DLG2: variants seen among roughly 807,000 people sequenced by gnomAD.
The protein encoded by DLG2 is discs large MAGUK scaffold protein 2.
Under a neutral mutation model 132.5 loss-of-function variants are expected in DLG2, and 45 were observed. That is an observed-to-expected ratio of 0.34 (90% confidence interval 0.27 to 0.44). The LOEUF (loss-of-function observed/expected upper bound fraction) is 0.44. Among genes scored for constraint, DLG2 ranks in the 20% least tolerant of loss-of-function variants. The pLI is 1.00. For synonymous variants in DLG2, 424 were observed against 419.6 expected (o/e 1.01, Z -0.13); for missense variants, 1,045 against 1,196.9 (o/e 0.87, Z 1.87).
At chr11:84,594,379 G>A (rs1014013732) in intron 6 of DLG2, among the ~76,000 whole-genome samples, 8 of 152,128 alleles carry the variant, frequency 5.3e-5, no homozygotes, top group African/African-American at 4.8e-5. Flanking sequence ...CATCTTCTAT[G>A]TGTCTCGTCT....
intron 18 of DLG2, among the ~76,000 whole-genome samples, chr11:83,712,012 C>T (rs559456558): frequency 6.6e-5 from 10 of 151,860 alleles, no homozygotes; most frequent in East Asian, 3.9e-4. Context: ...ACAAAAAAAC[C>T]GGATCTTGGT....
At chr11:84,688,029 A>G (rs990227670) in intron 6 of DLG2, among the ~76,000 whole-genome samples, 1 of 152,166 alleles carries the variant, frequency 6.6e-6, no homozygotes, top group African/African-American at 2.4e-5. Context: ...TGTACTGTGT[A>G]TATATGTGAT....
intron 3 of DLG2, among the ~76,000 whole-genome samples, chr11:85,497,701 G>C (rs1413628829): frequency 3.9e-5 from 6 of 152,162 alleles, no homozygotes; most frequent in African/African-American, 1.4e-4. Flanking sequence ...TACCCACAAA[G>C]TGAAGCCCAT....
chr11:83,814,100 A>G (rs546593151), intron 17 of DLG2, among the ~76,000 whole-genome samples: 1 of 152,324 alleles, frequency 6.6e-6, no homozygotes, highest in South Asian at 2.1e-4. Flanking sequence ...GACCAAAAAA[A>G]TATTAGAACG....
chr11:84,380,340 A>G (rs1032552371), intron 7 of DLG2, among the ~76,000 whole-genome samples: 1 of 152,050 alleles, frequency 6.6e-6, no homozygotes, highest in African/African-American at 2.4e-5. Flanking sequence ...AACATTTACA[A>G]AAATTTACCC....
At chr11:84,412,333 G>C in intron 7 of DLG2, among the ~76,000 whole-genome samples, 1 of 151,338 alleles carries the variant, frequency 6.6e-6, no homozygotes, top group South Asian at 2.1e-4. Flanking sequence ...TACCCTGATT[G>C]TGCCAAATAC....
chr11:85,408,369 T>C (rs1227070069), intron 3 of DLG2, among the ~76,000 whole-genome samples: 2 of 150,992 alleles, frequency 1.3e-5, no homozygotes, highest in Non-Finnish European at 1.5e-5. Context: ...TCTTCTATTG[T>C]AAATTGTTTT....
chr11:84,480,504 T>C (rs1325075716), intron 7 of DLG2, among the ~76,000 whole-genome samples: 4 of 152,000 alleles, frequency 2.6e-5, no homozygotes, highest in African/African-American at 7.2e-5. Context: ...TGGAATCTAG[T>C]TTCAGAAAGA....
chr11:84,796,868 CAG>C (rs1264660832), intron 6 of DLG2, among the ~76,000 whole-genome samples: 1 of 134,522 alleles, frequency 7.4e-6, no homozygotes, highest in African/African-American at 3.0e-5. Context: ...TATTTAGAGA[CAG>C]AGTTTAGCTC....
intron 3 of DLG2, among the ~76,000 whole-genome samples, chr11:85,338,504 G>A (rs1328077666): frequency 1.3e-5 from 2 of 151,850 alleles, no homozygotes; most frequent in African/African-American, 4.8e-5. Context: ...TTCCTTTGTG[G>A]GTTCAATCTA....
chr11:84,782,773 A>T (rs1219721725), intron 6 of DLG2, among the ~76,000 whole-genome samples: 1 of 152,146 alleles, frequency 6.6e-6, no homozygotes, highest in African/African-American at 2.4e-5. Context: ...GCAAAATTTT[A>T]TAATATATGA....
chr11:84,753,161 G>C (rs1175227385), intron 6 of DLG2, among the ~76,000 whole-genome samples: 3 of 152,158 alleles, frequency 2.0e-5, no homozygotes, highest in Non-Finnish European at 2.9e-5. Flanking sequence ...TCAAGAGACA[G>C]CAAAAGATCA....
intron 7 of DLG2, among the ~76,000 whole-genome samples, chr11:84,398,662 A>G (rs2098819146): frequency 6.6e-6 from 1 of 152,232 alleles, no homozygotes. Flanking sequence ...TTAGATGGAC[A>G]GCAAAGGTAA....
At chr11:85,143,461 G>C (rs2076631596) in intron 5 of DLG2, among the ~76,000 whole-genome samples, 1 of 151,208 alleles carries the variant, frequency 6.6e-6, no homozygotes, top group Admixed American at 6.6e-5. Flanking sequence ...AAAGTTTGTT[G>C]ATTTACTAAT....
chr11:85,198,301 T>C (rs909101193), intron 4 of DLG2, among the ~76,000 whole-genome samples: 7 of 152,166 alleles, frequency 4.6e-5, no homozygotes, highest in African/African-American at 1.7e-4. Context: ...CAGATTTTCT[T>C]AAACATTTGA....
chr11:85,186,734 G>T (rs2080131425), intron 4 of DLG2, among the ~76,000 whole-genome samples: 1 of 152,058 alleles, frequency 6.6e-6, no homozygotes. Context: ...TGTGTATGCT[G>T]AAATCCATAG....
intron 3 of DLG2, among the ~76,000 whole-genome samples, chr11:85,434,968 C>T (rs1389137141): frequency 6.6e-6 from 1 of 152,140 alleles, no homozygotes. Flanking sequence ...AAAAGCTTAT[C>T]CACCACAATC....
intron 19 of DLG2, among the ~76,000 whole-genome samples, chr11:83,624,798 A>T (rs145110460): frequency 6.6e-6 from 1 of 152,324 alleles, no homozygotes; most frequent in East Asian, 1.9e-4. Context: ...GAGAAGCCAG[A>T]TCTACTTGGA....
chr11:83,918,776 T>A (rs2077349602), intron 15 of DLG2, among the ~76,000 whole-genome samples: 1 of 152,064 alleles, frequency 6.6e-6, no homozygotes, highest in Non-Finnish European at 1.5e-5. Context: ...AGAGTGGGGA[T>A]CTCAGTGCTG....
Sources: allele counts gnomAD v4.1 joint callset (sites outside exome capture counted in the v4.1 genomes callset), GRCh38; gene constraint gnomAD v4.1.1; transcripts MANE v1.5; gene names NCBI Gene and HGNC (gene_info 2026-07-23, HGNC 2026-07-21).